HECTD4: variants seen among roughly 807,000 people sequenced by gnomAD.
HECTD4 encodes HECT domain E3 ubiquitin protein ligase 4.
Under a neutral mutation model 471.5 loss-of-function variants are expected in HECTD4, and 114 were observed. The observed-to-expected ratio is 0.24, with a 90% CI of 0.21 to 0.28. HECTD4 has a LOEUF of 0.28. Ranked by LOEUF, HECTD4 falls within the 10% of genes least tolerant of loss-of-function variation. HECTD4 has a pLI of 1.00. For missense variants in HECTD4, 3,866 were observed against 5,651.5 expected (o/e 0.68, Z 10.13); for synonymous variants, 2,012 against 2,256.0 (o/e 0.89, Z 3.07).
At chr12:112,366,202 T>A (rs2036554477) in intron 1 of HECTD4, among the ~76,000 whole-genome samples, 1 of 152,196 alleles carries the variant, frequency 6.6e-6, no homozygotes, top group South Asian at 2.1e-4. Context: ...AAATACCTGG[T>A]GAACAAAAAA....
At chr12:112,255,239 C>T (rs922264185) in intron 21 of HECTD4, among the ~76,000 whole-genome samples, 1 of 152,170 alleles carries the variant, frequency 6.6e-6, no homozygotes, top group Admixed American at 6.5e-5. Flanking sequence ...GTCACTTCAC[C>T]TGAACCTGGG....
chr12:112,372,227 C>T (rs917335631), intron 1 of HECTD4, among the ~76,000 whole-genome samples: 3 of 151,562 alleles, frequency 2.0e-5, no homozygotes, highest in African/African-American at 7.3e-5. Flanking sequence ...ATCCTCCCAC[C>T]TCAGCCTCCC....
intron 1 of HECTD4, among the ~76,000 whole-genome samples, chr12:112,334,866 T>C (rs1209477382): frequency 6.6e-6 from 1 of 150,618 alleles, no homozygotes; most frequent in African/African-American, 2.4e-5. Flanking sequence ...CACGTTGGCA[T>C]GGATGTGGTG....
rs1467494172 is a variant in HECTD4 at position 112,213,762 on chromosome 12, C to G, written c.7466-1112G>C. Among the ~76,000 whole-genome samples the G allele has an allele frequency of 1.3e-5, 2 of 149,492 alleles. No homozygotes were observed. The highest frequency in any genetic ancestry group is 4.9e-5 in the African/African-American group (2 of 40,766). On this transcript the variant is annotated intron_variant, in intron 48 of 75. Transcript: ENST00000682272. This position sits in a 1 kb window ranked among gnomAD's most constrained non-coding sequence, Gnocchi z 4.0. ...TAAGGCCAGACATGATGGTTCATGC[C>G]TGTAATCCCAGCATTTTGGGAGGCC...
chr12:112,265,811 C>T (rs1412269751), intron 15 of HECTD4, 67 bp downstream of exon 15: 1 of 1,209,970 alleles, frequency 8.3e-7, no homozygotes, highest in Non-Finnish European at 1.2e-6. Flanking sequence ...GTTGATCAAA[C>T]ACATTTAAAT....
chr12:112,307,285 T>C (rs1014333957), intron 6 of HECTD4, among the ~76,000 whole-genome samples: 1 of 152,218 alleles, frequency 6.6e-6, no homozygotes, highest in Non-Finnish European at 1.5e-5. Flanking sequence ...ACTCATTTAG[T>C]TGATGTAACC....
intron 25 of HECTD4, chr12:112,249,768 C>T (rs189500821): frequency 4.1e-6 from 1 of 241,224 alleles, no homozygotes; most frequent in African/African-American, 2.3e-5. Flanking sequence ...AAAGTAGAGG[C>T]TGACTGCTAG....
rs556097506 is a variant in HECTD4 at position 112,207,040 on chromosome 12, T to C, written c.8131+834A>G. ...CTAAGATTAGAAGATTAGGGAACAA[T>C]AATCTTTGCAATGTTTTCAAAAGGA... is the stretch of plus-strand genomic sequence containing the variant. On this transcript the variant is annotated intron_variant, in intron 52 of 75. Transcript: ENST00000682272. 5.8e-4 allele frequency among the ~76,000 whole-genome samples: 89 copies of C among 152,292 alleles called. 2 individuals are homozygous for C. Among genetic ancestry groups the C allele is most frequent in the Middle Eastern group, 3.4e-3 (1 of 294 alleles).
rs1012021439 is a variant in HECTD4 at position 112,239,634 on chromosome 12, T to A, written c.5105+247A>T. 1.3e-5 allele frequency among the ~76,000 whole-genome samples: 2 copies of A among 152,214 alleles called. No individual in the cohort carries two copies. Among genetic ancestry groups the A allele is most frequent in the Admixed American group, 1.3e-4 (2 of 15,284 alleles). ...TGTAAGTAATTTCCTAGGGACCTTT[T>A]ATTTTTCTTTGAACCTCTGTATCTT... On this transcript the variant is annotated intron_variant, in intron 33 of 75. Coordinates refer to ENST00000682272, the MANE Select transcript of HECTD4 (RefSeq NM_001388303.1). This position sits in a 1 kb window ranked among gnomAD's most constrained non-coding sequence, Gnocchi z 4.9.
At position 112,163,180 on chromosome 12, in the gene HECTD4, C is replaced by A; in HGVS notation, c.12982G>T (p.Glu4328Ter). The part of the protein sequence containing the change: ...FWGALEMFTQ[E>*]ELCKFIKFAC... ...AACTTGATGAACTTGCACAGCTCCT[C>A]CTGGGTGAACATCTCCAGGGCCCCC... Residue 4328 changes from glutamate (E) to a stop codon, truncating the protein, a stop_gained, in exon 75 of 76, where the codon GAG becomes TAG. Transcript: ENST00000682272. LOFTEE classifies it high-confidence loss of function. This position sits in a 1 kb window ranked among gnomAD's most constrained non-coding sequence, Gnocchi z 8.2. The A allele has an allele frequency of 6.2e-7, 1 of 1,613,962 alleles. No individual in the cohort carries two copies.
chr12:112,186,458 T>C (rs1273602135), intron 60 of HECTD4, among the ~76,000 whole-genome samples: 2 of 147,490 alleles, frequency 1.4e-5, no homozygotes, highest in Non-Finnish European at 3.0e-5. Flanking sequence ...TGCCTCAGCC[T>C]CCCGCATAGC....
intron 27 of HECTD4, 113 bp from the exon 28 acceptor site, chr12:112,247,663 T>C (rs775149043): frequency 2.2e-6 from 1 of 460,448 alleles, no homozygotes; most frequent in Non-Finnish European, 3.8e-6. Flanking sequence ...TCCACATTTC[T>C]ATGCTTGAAA....
intron 35 of HECTD4, among the ~76,000 whole-genome samples, chr12:112,236,657 A>C (rs1272045744): frequency 6.6e-6 from 1 of 152,236 alleles, no homozygotes; most frequent in Non-Finnish European, 1.5e-5. Flanking sequence ...TGGTTAATGA[A>C]TACAACTGCA....
At chr12:112,337,908 C>A (rs1367664272) in intron 1 of HECTD4, among the ~76,000 whole-genome samples, 1 of 152,142 alleles carries the variant, frequency 6.6e-6, no homozygotes, top group Non-Finnish European at 1.5e-5. Context: ...GAAATTGGTT[C>A]AAAAACCTTG....
chr12:112,325,813 GTTTT>G (rs112407518), intron 1 of HECTD4, among the ~76,000 whole-genome samples: 1 of 143,132 alleles, frequency 7.0e-6, no homozygotes, highest in African/African-American at 2.5e-5. Flanking sequence ...TTTTGTTGCC[GTTTT>G]TTTTTTTTTC....
intron 7 of HECTD4, among the ~76,000 whole-genome samples, chr12:112,296,583 G>A (rs547777991): frequency 3.2e-4 from 48 of 151,600 alleles, no homozygotes; most frequent in Non-Finnish European, 5.5e-4. Context: ...GTGGATGTAG[G>A]TGCAGATGGT....
chr12:112,246,904 G>A lies in HECTD4; in HGVS notation c.4510C>T (p.Pro1504Ser). ...AGGGGCTATCTTTGAGCAGTACCTG[G>A]TGTTTCAGCAGGGGTCCCAGAGATG... ...RSISGTPAET[P>S]ACKSASETKV... The change falls in exon 29 of 76, where the codon CCA becomes TCA. Residue 1504 changes from proline (P) to serine (S), a missense_variant. Physicochemically the swap from Pro to Ser is moderately conservative, Grantham distance 74. Transcript: ENST00000682272. The A allele has an allele frequency of 6.2e-7, 1 of 1,611,798 alleles. No individual in the cohort carries two copies. Among genetic ancestry groups the A allele is most frequent in the Non-Finnish European group, 8.5e-7 (1 of 1,179,654 alleles).
chr12:112,323,260 T>C (rs886177649), intron 1 of HECTD4, among the ~76,000 whole-genome samples: 4 of 152,178 alleles, frequency 2.6e-5, no homozygotes, highest in Non-Finnish European at 2.9e-5. Flanking sequence ...CGAATGCAGA[T>C]AGAGTTAAGA....
intron 1 of HECTD4, among the ~76,000 whole-genome samples, chr12:112,366,429 G>A (rs1241332402): frequency 3.9e-5 from 6 of 151,948 alleles, no homozygotes; most frequent in Non-Finnish European, 8.8e-5. Flanking sequence ...CTGAGATGGC[G>A]GGATTGCTTG....
Sources: gnomAD v4.1 joint callset for allele counts (sites outside exome capture counted in the v4.1 genomes callset) on GRCh38, gnomAD v4.1.1 for gene constraint, Gnocchi (gnomAD v3.1) non-coding constraint, MANE v1.5 for transcripts, NCBI Gene and HGNC (gene_info 2026-07-23, HGNC 2026-07-21) for gene names.